The following TET3 variants were observed in gnomAD, a reference collection of about 807,000 sequenced individuals.
TET3 encodes methylcytosine dioxygenase TET3.
A neutral mutation model predicts 141.4 loss-of-function variants in TET3; 19 were observed. The ratio of observed to expected loss-of-function variants is 0.13; its 90% CI spans 0.09 to 0.20. The LOEUF is 0.20. Among genes scored for constraint, TET3 ranks in the 10% least tolerant of loss-of-function variants. TET3 has a pLI of 1.00. For missense variants in TET3, 1,874 were observed against 2,356.9 expected (o/e 0.80, Z 4.24); for synonymous variants, 1,043 against 980.9 (o/e 1.06, Z -1.18).
the TET3 span, chr2:74,123,047 C>G: frequency 1.3e-5 from 2 of 152,086 alleles, no homozygotes; most frequent in African/African-American, 4.8e-5. Flanking sequence ...TTGGAAAACC[C>G]TCTACATGTT....
intron 3 of TET3, among the ~76,000 whole-genome samples, chr2:74,045,048 C>G (rs983299121): frequency 6.6e-6 from 1 of 152,166 alleles, no homozygotes; most frequent in South Asian, 2.1e-4. Context: ...AAAAACAATA[C>G]AGGTACTTTC....
chr2:74,032,518 T>C (rs1686807238), intron 3 of TET3, among the ~76,000 whole-genome samples: 1 of 84,800 alleles, frequency 1.2e-5, no homozygotes, highest in Non-Finnish European at 2.3e-5. Context: ...TTAGGGGAGT[T>C]GAGGCCCTTG....
rs1246213422 is a variant in TET3 at position 74,108,129 on chromosome 2, A to G, written c.*5953A>G. ...CTGTATTACTCCTGGTATCTTTAAA[A>G]TATTGTGGGTGTTTTAATAAATTTT... On this transcript the variant is annotated 3_prime_UTR_variant, in exon 12 of 12. Coordinates refer to ENST00000409262, the MANE Select transcript of TET3 (RefSeq NM_001287491.2). 1 of 153,798 alleles carries G rather than the reference A, an allele frequency of 6.5e-6. No individual in the cohort carries two copies. Among genetic ancestry groups the G allele is most frequent in the Non-Finnish European group, 1.5e-5 (1 of 68,052 alleles). 9.5% of individuals were successfully genotyped at this position (153,798 alleles called of 1,614,324 possible).
chr2:74,130,292 C>G, the TET3 span, among the ~76,000 whole-genome samples: 1 of 152,178 alleles, frequency 6.6e-6, no homozygotes, highest in Non-Finnish European at 1.5e-5. Context: ...CTTTTAAGTT[C>G]ACAGCCACAG....
intron 5 of TET3, among the ~76,000 whole-genome samples, chr2:74,076,333 C>T (rs1689502214): frequency 6.6e-6 from 1 of 150,512 alleles, no homozygotes; most frequent in Non-Finnish European, 1.5e-5. Flanking sequence ...GCAGTTCCAT[C>T]TTTACGTTGC....
intron 2 of TET3, among the ~76,000 whole-genome samples, chr2:73,989,597 T>C (rs1684222626): frequency 6.6e-6 from 1 of 152,186 alleles, no homozygotes; most frequent in Non-Finnish European, 1.5e-5. Context: ...ATTTTAGGGC[T>C]AGAGACAGGT....
intron 2 of TET3, among the ~76,000 whole-genome samples, chr2:73,994,259 A>G (rs1433435257): frequency 2.0e-5 from 3 of 152,212 alleles, no homozygotes; most frequent in African/African-American, 7.2e-5. Context: ...AGTTGAAGGA[A>G]GCAGGGCTGT....
chr2:74,034,418 C>T (rs1364317020), intron 3 of TET3, among the ~76,000 whole-genome samples: 1 of 151,932 alleles, frequency 6.6e-6, no homozygotes, highest in African/African-American at 2.4e-5. Flanking sequence ...CCTTCTTCAC[C>T]TCCAGAGGTA....
chr2:74,056,840 C>A (rs1688247171), intron 4 of TET3, among the ~76,000 whole-genome samples: 1 of 152,144 alleles, frequency 6.6e-6, no homozygotes. Flanking sequence ...GGTCTCTCTG[C>A]CACTTTGAGA....
At chr2:74,095,757 A>C (rs1690787035) in intron 10 of TET3, among the ~76,000 whole-genome samples, 1 of 152,276 alleles carries the variant, frequency 6.6e-6, no homozygotes. Context: ...ATCAATGGAC[A>C]GTAAGTGCTT....
intron 3 of TET3, among the ~76,000 whole-genome samples, chr2:74,040,952 T>G (rs920563711): frequency 6.6e-6 from 1 of 152,080 alleles, no homozygotes; most frequent in Non-Finnish European, 1.5e-5. Context: ...GGCATGAGAA[T>G]TGAGGGGAAA....
intron 3 of TET3, among the ~76,000 whole-genome samples, chr2:74,023,396 T>C (rs1686163265): frequency 6.6e-6 from 1 of 152,138 alleles, no homozygotes; most frequent in Non-Finnish European, 1.5e-5. Context: ...GTGTGCGCCA[T>C]CACACCCAGC....
At chr2:73,992,313 T>TCTTTCTTTTTTTG (rs370301450) in intron 2 of TET3, among the ~76,000 whole-genome samples, 4 of 151,374 alleles carry the variant, frequency 2.6e-5, no homozygotes, top group African/African-American at 9.8e-5. Flanking sequence ...TTCTTTTTTT[T>TCTTTCTTTTTTTG]TTTTGTTTTG....
chr2:74,052,802 C>T (rs944493444), intron 4 of TET3, among the ~76,000 whole-genome samples: 1 of 151,898 alleles, frequency 6.6e-6, no homozygotes, highest in African/African-American at 2.4e-5. Context: ...CCTGGGAGGC[C>T]GAGGTTGCAG....
chr2:74,002,861 C>G (rs903025654), intron 2 of TET3: 7 of 568,680 alleles, frequency 1.2e-5, no homozygotes, highest in Non-Finnish European at 2.2e-5. Context: ...GCCGTCCTCT[C>G]GGATCTCGGG....
chr2:74,016,393 A>G (rs1685730057), intron 3 of TET3, among the ~76,000 whole-genome samples: 1 of 152,098 alleles, frequency 6.6e-6, no homozygotes, highest in African/African-American at 2.4e-5. Context: ...AAAAAGAGTG[A>G]CATGATTCTT....
intron 3 of TET3, among the ~76,000 whole-genome samples, chr2:74,033,752 A>G (rs1686876095): frequency 6.6e-6 from 1 of 152,238 alleles, no homozygotes; most frequent in Admixed American, 6.5e-5. Context: ...ATTTTTGCCA[A>G]AAAATGCTAA....
chr2:74,105,452 G>T lies in TET3; in HGVS notation c.*3276G>T. 2 of 398,286 alleles carry T rather than the reference G, an allele frequency of 5.0e-6. No individual in the cohort carries two copies. The highest frequency in any genetic ancestry group is 2.7e-4 in the South Asian group (2 of 7,516). The allele number at this position is 398,286 out of a possible 1,614,324, so 24.7% of individuals were successfully genotyped here. On this transcript the variant is annotated 3_prime_UTR_variant, in exon 12 of 12. Coordinates refer to ENST00000409262, the MANE Select transcript of TET3 (RefSeq NM_001287491.2). The stretch of plus-strand genomic sequence containing the variant: ...GTGCTAGCTCAAGAAATCATCATCT[G>T]ACCATCAGAAATCTTGACTAAAGGT...
At chr2:74,073,730 C>A in intron 5 of TET3, 91 bp downstream of exon 5, 3 of 1,064,736 alleles carry the variant, frequency 2.8e-6, no homozygotes, top group Non-Finnish European at 4.1e-6. Context: ...TGCCTTGTAA[C>A]AGACAATATA....
Sources: allele counts gnomAD v4.1 joint callset (sites outside exome capture counted in the v4.1 genomes callset), GRCh38; gene constraint gnomAD v4.1.1; transcripts MANE v1.5; gene names NCBI Gene and HGNC (gene_info 2026-07-23, HGNC 2026-07-21).